The following THSD7B variants were observed in gnomAD, a reference collection of about 807,000 sequenced individuals.
THSD7B encodes the protein thrombospondin type-1 domain-containing protein 7B.
In THSD7B, 138 loss-of-function variants were observed where a neutral mutation model predicts 213.6. The observed-to-expected ratio is 0.65, with a 90% confidence interval of 0.56 to 0.74. The LOEUF is 0.74. Among genes scored for constraint, THSD7B ranks in the 30% least tolerant of loss-of-function variants. THSD7B has a pLI of 0.00. For synonymous variants in THSD7B, 742 were observed against 687.0 expected (o/e 1.08, Z -1.25); for missense variants, 1,931 against 1,991.5 (o/e 0.97, Z 0.58).
intron 15 of THSD7B, among the ~76,000 whole-genome samples, chr2:137,460,477 CT>C (rs1687862687): frequency 6.6e-6 from 1 of 152,036 alleles, no homozygotes; most frequent in Non-Finnish European, 1.5e-5. Flanking sequence ...GATTGCTCCT[CT>C]TTTTGCATTT....
At chr2:137,075,915 G>A (rs918217197) in intron 3 of THSD7B, among the ~76,000 whole-genome samples, 17 of 152,252 alleles carry the variant, frequency 1.1e-4, no homozygotes, top group African/African-American at 3.4e-4. Context: ...TTGGTGAACC[G>A]CAAATGCTGC....
Position 136,962,403 on chromosome 2 carries a change from C to CTTTTTT in THSD7B, c.139+80106_139+80111dup, listed in dbSNP as rs71400559. 3.8e-3 allele frequency among the ~76,000 whole-genome samples: 378 copies of CTTTTTT among 100,126 alleles called. 26 individuals are homozygous for CTTTTTT. The highest frequency in any genetic ancestry group is 5.2e-3 in the Non-Finnish European group (280 of 53,814). The allele number at this position is 100,126 out of a possible 152,430, so 65.7% of individuals were successfully genotyped here. A position where few individuals can be genotyped will look rare whatever the true frequency, so the allele number is the denominator to read the frequency against. ...AACACACTATACATAAATCTGTTAT[C>CTTTTTT]TTTTTTTTTTTTTTTTTTTTTTTTT... On this transcript the variant is annotated intron_variant, in intron 2 of 27. Transcript: ENST00000409968.
At chr2:137,514,664 A>G (rs1222618851) in intron 15 of THSD7B, among the ~76,000 whole-genome samples, 1 of 152,200 alleles carries the variant, frequency 6.6e-6, no homozygotes, top group Non-Finnish European at 1.5e-5. Context: ...GAGTTTCTGG[A>G]GTTGGCTGCT....
In THSD7B at chr2:137,585,856, C is replaced by T. The variant is rs189338724; in HGVS notation, c.3423+13300C>T. ...GAGTTCTGTAGATGTCTATTAGGTCCGCTTGGTGCAGAGCTGAGTTCAATT... is the reference window on the plus strand; with the variant it reads ...GAGTTCTGTAGATGTCTATTAGGTCTGCTTGGTGCAGAGCTGAGTTCAATT... On this transcript the variant is annotated intron_variant, in intron 17 of 27. Transcript: ENST00000409968. Among the ~76,000 whole-genome samples, 426 of 152,060 alleles carry T rather than the reference C, an allele frequency of 2.8e-3. 3 individuals are homozygous for T. Among genetic ancestry groups the T allele is most frequent in the African/African-American group, 9.1e-3 (379 of 41,502 alleles).
chr2:136,940,863 GT>G (rs34409932), intron 2 of THSD7B, among the ~76,000 whole-genome samples: 12,383 of 131,938 alleles, frequency 0.094, 725 homozygotes, highest in East Asian at 0.18. Context: ...ATTCTTAGTT[GT>G]TTTTTTTTTT....
At chr2:136,834,575 A>G (rs1682815113) in intron 1 of THSD7B, among the ~76,000 whole-genome samples, 1 of 151,806 alleles carries the variant, frequency 6.6e-6, no homozygotes, top group Admixed American at 6.6e-5. Context: ...TCTCGGTGTC[A>G]GAGTTTTATG....
At chr2:137,071,874 C>T (rs1015209328) in intron 3 of THSD7B, among the ~76,000 whole-genome samples, 13 of 152,272 alleles carry the variant, frequency 8.5e-5, no homozygotes, top group South Asian at 6.2e-4. Flanking sequence ...AATCCTTTCC[C>T]CATTTCTTGT....
chr2:136,815,025 A>G (rs539634687), intron 1 of THSD7B, among the ~76,000 whole-genome samples: 5 of 152,286 alleles, frequency 3.3e-5, no homozygotes, highest in Admixed American at 2.0e-4. Flanking sequence ...CTATTCATTC[A>G]TTTATCTGTC....
intron 4 of THSD7B, among the ~76,000 whole-genome samples, chr2:137,101,340 C>T (rs1371237238): frequency 6.6e-6 from 1 of 152,200 alleles, no homozygotes; most frequent in Non-Finnish European, 1.5e-5. Flanking sequence ...CCATGCCGGC[C>T]TTCCATTGAT....
chr2:136,922,363 C>A (rs1180616802), intron 2 of THSD7B, among the ~76,000 whole-genome samples: 5 of 152,218 alleles, frequency 3.3e-5, no homozygotes, highest in African/African-American at 1.2e-4. Context: ...TGATCAATTT[C>A]TCTTGGCCAG....
intron 2 of THSD7B, among the ~76,000 whole-genome samples, chr2:136,929,446 T>C (rs911771729): frequency 6.6e-6 from 1 of 152,178 alleles, no homozygotes; most frequent in South Asian, 2.1e-4. Flanking sequence ...ATTGGTCTTA[T>C]GTATTTACTT....
At chr2:137,289,788 G>A (rs1683278739) in intron 12 of THSD7B, among the ~76,000 whole-genome samples, 2 of 151,532 alleles carry the variant, frequency 1.3e-5, no homozygotes, top group African/African-American at 4.8e-5. Context: ...GTACAATTAT[G>A]AAGAAAAAAG....
At chr2:137,431,005 G>C (rs954987714) in intron 14 of THSD7B, among the ~76,000 whole-genome samples, 1 of 152,190 alleles carries the variant, frequency 6.6e-6, no homozygotes, top group Non-Finnish European at 1.5e-5. Context: ...TCGACAAAAA[G>C]AGTCAAACTC....
intron 4 of THSD7B, among the ~76,000 whole-genome samples, chr2:137,107,427 C>T (rs539994873): frequency 4.2e-4 from 64 of 152,242 alleles, no homozygotes; most frequent in African/African-American, 1.3e-3. Flanking sequence ...AGGAGAAATA[C>T]GTAACGTAGA....
intron 1 of THSD7B, among the ~76,000 whole-genome samples, chr2:136,792,717 A>T (rs1035661591): frequency 6.6e-6 from 1 of 152,042 alleles, no homozygotes; most frequent in Non-Finnish European, 1.5e-5. Flanking sequence ...TTTCCCCATT[A>T]ATCAGCCTCT....
At chr2:137,313,364 A>G (rs948257588) in intron 12 of THSD7B, among the ~76,000 whole-genome samples, 1 of 151,864 alleles carries the variant, frequency 6.6e-6, no homozygotes, top group African/African-American at 2.4e-5. Flanking sequence ...TGCTTGGTAG[A>G]TCTTCCTCCA....
chr2:136,792,139 T>C (rs897253235), intron 1 of THSD7B, among the ~76,000 whole-genome samples: 16 of 152,060 alleles, frequency 1.1e-4, no homozygotes, highest in African/African-American at 3.9e-4. Flanking sequence ...CATTTTTGCA[T>C]GTCACAATCT....
intron 2 of THSD7B, among the ~76,000 whole-genome samples, chr2:136,956,247 A>C (rs1685122091): frequency 6.6e-6 from 1 of 152,176 alleles, no homozygotes; most frequent in Non-Finnish European, 1.5e-5. Flanking sequence ...ACTGATTTTT[A>C]ACTATGTGTC....
At chr2:137,400,395 G>T (rs1340639659) in intron 12 of THSD7B, among the ~76,000 whole-genome samples, 1 of 152,072 alleles carries the variant, frequency 6.6e-6, no homozygotes, top group Non-Finnish European at 1.5e-5. Context: ...ATTGGGAGGA[G>T]CACTTTTTCC....
Sources: gnomAD v4.1 joint callset for allele counts (sites outside exome capture counted in the v4.1 genomes callset) on GRCh38, gnomAD v4.1.1 for gene constraint, MANE v1.5 for transcripts, NCBI Gene and HGNC (gene_info 2026-07-23, HGNC 2026-07-21) for gene names.